Variants in PRODH2 observed in about 807,000 individuals in gnomAD.
PRODH2 encodes proline dehydrogenase 2.
PRODH2 carries 49 observed loss-of-function variants against 51.9 expected under a neutral mutation model. That is an observed-to-expected ratio of 0.94 (90% CI 0.75 to 1.20). The LOEUF is 1.20. PRODH2 is among the 50% of genes most tolerant of loss of function. The pLI, the probability that PRODH2 is intolerant of heterozygous loss-of-function variation, is 0.00. For missense variants in PRODH2, 597 were observed against 610.9 expected, an observed-to-expected ratio of 0.98 and a Z score of 0.24; for synonymous variants, 249 against 260.7, an observed-to-expected ratio of 0.96 and a Z score of 0.43.
chr19:35,810,943 G>A (rs1412693965), intron 4 of PRODH2, among the ~76,000 whole-genome samples: 3 of 152,102 alleles, frequency 2.0e-5, no homozygotes, highest in South Asian at 2.1e-4. Flanking sequence ...AAAGTACTGC[G>A]AATAATTATT....
chr19:35,809,468 T>C (rs1972566961), intron 4 of PRODH2, among the ~76,000 whole-genome samples: 1 of 152,116 alleles, frequency 6.6e-6, no homozygotes, highest in African/African-American at 2.4e-5. Context: ...AGCCTCCAAT[T>C]TCAGCCTCCC....
rs1305430475 is a variant in PRODH2 at position 35,807,122 on chromosome 19, C to CT, written c.598-2dup. Reference sequence around the variant, plus strand: ...CATTGAGGCAGGAGACCTGGAGGTTCTAGGGGGCAGCAGGGGAAGTGGGGA... The same window carrying CT: ...CATTGAGGCAGGAGACCTGGAGGTTCTTAGGGGGCAGCAGGGGAAGTGGGGA... On this transcript the variant is annotated splice_acceptor_variant, in intron 4 of 9. Transcript: ENST00000653904. LOFTEE classifies it high-confidence loss of function. 1 of 1,550,420 alleles carries CT rather than the reference C, an allele frequency of 6.4e-7. No homozygotes were observed. The highest frequency in any genetic ancestry group is 2.4e-5 in the East Asian group (1 of 41,028).
At chr19:35,811,124 G>A (rs1299212524) in intron 4 of PRODH2, among the ~76,000 whole-genome samples, 4 of 152,172 alleles carry the variant, frequency 2.6e-5, no homozygotes, top group Non-Finnish European at 5.9e-5. Flanking sequence ...CGGGGGCATG[G>A]ATGTTCATGT....
chr19:35,803,951 C>T (rs1239507354), intron 7 of PRODH2, among the ~76,000 whole-genome samples: 1 of 152,180 alleles, frequency 6.6e-6, no homozygotes, highest in Non-Finnish European at 1.5e-5. Context: ...CCTATCGCCC[C>T]CCAGACCTGT....
intron 7 of PRODH2, among the ~76,000 whole-genome samples, chr19:35,805,896 G>A (rs1419708125): frequency 6.6e-6 from 1 of 152,146 alleles, no homozygotes; most frequent in Non-Finnish European, 1.5e-5. Flanking sequence ...GCCACTGTCT[G>A]CAGTGGGAAT....
chr19:35,806,906 G>A (rs554948237), intron 5 of PRODH2, 76 bp from the exon 6 acceptor site: 6 of 1,550,598 alleles, frequency 3.9e-6, no homozygotes, highest in Non-Finnish European at 5.2e-6. Flanking sequence ...AGCAGGAGGG[G>A]TTACCTGTGC....
Position 35,806,807 on chromosome 19 carries a change from C to A in PRODH2, c.702G>T (p.Arg234=). ...VAQYARAQHV[R]LLVDAEYTSL... is the part of the protein sequence containing the mutation. ...AGGTGTACTCCGCATCCACCAGGAG[C>A]CGCACGTGCTGGGCCCGGGCATACT... The change falls in exon 6 of 10, where the codon CGG becomes CGT. Residue 234 remains arginine (R), a synonymous_variant. Coordinates refer to ENST00000653904, the MANE Select transcript of PRODH2 (RefSeq NM_021232.2). 6.2e-7 allele frequency: 1 copy of A among 1,609,756 alleles called. No individual in the cohort carries two copies. Among genetic ancestry groups the A allele is most frequent in the Non-Finnish European group, 8.5e-7 (1 of 1,178,166 alleles).
chr19:35,811,687 G>A (rs1001417042), intron 4 of PRODH2, among the ~76,000 whole-genome samples: 6 of 152,136 alleles, frequency 3.9e-5, no homozygotes, highest in African/African-American at 1.4e-4. Flanking sequence ...ATGCAGCTGT[G>A]TTGACTGAGA....
rs776789504 is a variant in PRODH2, at chr19:35,812,159, G to A, written c.485C>T (p.Thr162Met). ...AEASLMQLKV[T>M]ALTSTRLCKE... ...ACAGAGCCGAGTACTGGTCAGCGCC[G>A]TCACCTTCAGCTGCATGAGGCTGGC... Residue 162 changes from threonine to methionine, a missense_variant, in exon 3 of 10, where the codon ACG becomes ATG. Coordinates refer to ENST00000653904, the MANE Select transcript of PRODH2 (RefSeq NM_021232.2). 1.9e-5 allele frequency: 31 copies of A among 1,613,986 alleles called. No homozygotes were observed. Among genetic ancestry groups the A allele is most frequent in the African/African-American group, 5.3e-5 (4 of 74,930 alleles).
chr19:35,805,541 A>C (rs1364120247), intron 7 of PRODH2, among the ~76,000 whole-genome samples: 2 of 152,170 alleles, frequency 1.3e-5, no homozygotes, highest in Non-Finnish European at 2.9e-5. Flanking sequence ...TGCCGGGATT[A>C]CAAGCGTGAG....
chr19:35,808,437 C>A (rs961684115), intron 4 of PRODH2, among the ~76,000 whole-genome samples: 5 of 152,132 alleles, frequency 3.3e-5, no homozygotes, highest in African/African-American at 4.8e-5. Flanking sequence ...GAAGCTGCAA[C>A]CTTCCGCATG....
In PRODH2 at chr19:35,812,269, C is replaced by G. The variant is rs1473944778; in HGVS notation, c.375G>C (p.Glu125Asp). The G allele has an allele frequency of 6.2e-7, 1 of 1,613,258 alleles. No homozygotes were observed. The highest frequency in any genetic ancestry group is 8.5e-7 in the Non-Finnish European group (1 of 1,179,860). ...CACCGAGGTTCCCCTCATACCACGCCTCACTGCCCAGCCAGCAGGTGTCAG... is the reference window on the plus strand; with the variant it reads ...CACCGAGGTTCCCCTCATACCACGCGTCACTGCCCAGCCAGCAGGTGTCAG... ...EEPDSAAKSG[E>D]AWYEGNLGAM... The change falls in exon 3 of 10, where the codon GAG becomes GAC. Residue 125 changes from glutamate (E) to aspartate (D), a missense_variant. Physicochemically the swap from Glu to Asp is conservative, Grantham distance 45. Coordinates refer to ENST00000653904, the MANE Select transcript of PRODH2 (RefSeq NM_021232.2).
At chr19:35,803,128 C>T (rs1260668673) in intron 7 of PRODH2, 50 bp from the exon 8 acceptor site, 4 of 1,368,742 alleles carry the variant, frequency 2.9e-6, no homozygotes, top group Non-Finnish European at 3.9e-6. Context: ...GGGTCAGGCC[C>T]CAGCGACTGG....
At chr19:35,803,615 A>G (rs1160789674) in intron 7 of PRODH2, among the ~76,000 whole-genome samples, 2 of 152,172 alleles carry the variant, frequency 1.3e-5, no homozygotes, top group African/African-American at 4.8e-5. Context: ...ATGGAGTGAG[A>G]TAAGGGGGAT....
At chr19:35,811,801 T>G (rs757929648) in intron 4 of PRODH2, among the ~76,000 whole-genome samples, 161 bp downstream of exon 4, 2 of 152,182 alleles carry the variant, frequency 1.3e-5, no homozygotes, top group African/African-American at 2.4e-5. Flanking sequence ...CAGATGACCC[T>G]GATTCCATCC....
rs370857789 is a variant in PRODH2 at position 35,806,667 on chromosome 19, C to A, written c.834+8G>T. ...CCCAGCCTGTACCTCCTGGAACACACTGCACACCTTTAGACAGGCCTGGTA... is the reference window on the plus strand; with the variant it reads ...CCCAGCCTGTACCTCCTGGAACACAATGCACACCTTTAGACAGGCCTGGTA... On this transcript the variant is annotated splice_region_variant and intron_variant, in intron 6 of 9. Coordinates refer to ENST00000653904, the MANE Select transcript of PRODH2 (RefSeq NM_021232.2). 1.6e-4 allele frequency: 259 copies of A among 1,613,952 alleles called. No individual in the cohort carries two copies. The highest frequency in any genetic ancestry group is 2.1e-4 in the Non-Finnish European group (242 of 1,179,930).
rs745644342 is a variant in PRODH2, at chr19:35,800,212, G to A, written c.1209C>T (p.Gly403=). 2 of 1,581,088 alleles carry A rather than the reference G, an allele frequency of 1.3e-6. No homozygotes were observed. The highest frequency in any genetic ancestry group is 1.7e-6 in the Non-Finnish European group (2 of 1,163,008). The change falls in exon 10 of 10, where the codon GGC becomes GGT. Residue 403 remains glycine, a synonymous_variant. Transcript: ENST00000653904. Reference sequence around the variant, plus strand: ...AGGGAATGGACTTATACACTACATAGCCGGCCTGCCCTGCAGGGAGAGTGG... The same window carrying A: ...AGGGAATGGACTTATACACTACATAACCGGCCTGCCCTGCAGGGAGAGTGG... The part of the protein sequence containing the change: ...DHVSLALGQA[G]YVVYKSIPYG...
chr19:35,807,724 T>C (rs1012436180), intron 4 of PRODH2, among the ~76,000 whole-genome samples: 4 of 152,166 alleles, frequency 2.6e-5, no homozygotes, highest in African/African-American at 9.7e-5. Flanking sequence ...CACCTATACA[T>C]TGGCAACTTC....
At chr19:35,801,121 C>G (rs549818389) in intron 9 of PRODH2, among the ~76,000 whole-genome samples, 3 of 151,538 alleles carry the variant, frequency 2.0e-5, no homozygotes, top group Admixed American at 6.6e-5. Flanking sequence ...GAGCTGAGAT[C>G]GTGCCACTGC....
Sources: allele counts gnomAD v4.1 joint callset (sites outside exome capture counted in the v4.1 genomes callset), GRCh38; gene constraint gnomAD v4.1.1; transcripts MANE v1.5; gene names NCBI Gene and HGNC (gene_info 2026-07-23, HGNC 2026-07-21).